The following TFAP4 variants were observed in gnomAD, a reference collection of about 807,000 sequenced individuals.
The protein encoded by TFAP4 is activating enhancer-binding protein 4.
Under a neutral mutation model 40.4 loss-of-function variants are expected in TFAP4, and 7 were observed. The observed-to-expected ratio is 0.17, with a 90% CI of 0.10 to 0.33. TFAP4 has a LOEUF of 0.33. TFAP4 is among the 10% of genes least tolerant of loss of function. The pLI, the probability that TFAP4 is intolerant of heterozygous loss-of-function variation, is 1.00. For missense variants in TFAP4, 374 were observed against 451.1 expected, an observed-to-expected ratio of 0.83 and a Z score of 1.55; for synonymous variants, 218 against 181.4, an observed-to-expected ratio of 1.20 and a Z score of -1.62.
chr16:4,271,149 C>G (rs1203830352), intron 1 of TFAP4, among the ~76,000 whole-genome samples: 1 of 152,240 alleles, frequency 6.6e-6, no homozygotes, highest in Non-Finnish European at 1.5e-5. Flanking sequence ...TCAACTGGCC[C>G]AAGTCTAGGT....
In TFAP4 at chr16:4,258,071, T is replaced by A. The variant is rs1485122173; in HGVS notation, c.1001A>T (p.Asp334Val). The stretch of plus-strand genomic sequence containing the variant: ...GGGGGGTAGTCAGGGAAGCTCCCCG[T>A]CCCCCGACGGCTCCTCCCGGCTCTG... ...MDQSREEPSG[D>V]GELP Residue 334 changes from aspartate (D) to valine (V), a missense_variant, in exon 7 of 7, where the codon GAC becomes GTC. Coordinates refer to ENST00000204517, the MANE Select transcript of TFAP4 (RefSeq NM_003223.3). 1 of 1,612,016 alleles carries A rather than the reference T, an allele frequency of 6.2e-7. No homozygotes were observed. The highest frequency in any genetic ancestry group is 8.5e-7 in the Non-Finnish European group (1 of 1,179,670).
chr16:4,260,346 T>G, intron 5 of TFAP4, 101 bp from the exon 6 acceptor site: 1 of 1,504,564 alleles, frequency 6.6e-7, no homozygotes, highest in Non-Finnish European at 8.8e-7. Flanking sequence ...CTCTGCCCCT[T>G]TATATTAAGA....
At position 4,261,939 on chromosome 16, in the gene TFAP4, C is replaced by A. The variant is rs1195018321; in HGVS notation, c.365G>T (p.Gly122Val). The A allele has an allele frequency of 3.1e-6, 5 of 1,606,854 alleles. No individual in the cohort carries two copies. Among genetic ancestry groups the A allele is most frequent in the Non-Finnish European group, 2.5e-6 (3 of 1,177,364 alleles). The change falls in exon 4 of 7, where the codon GGC (glycine) becomes GTC (valine). Residue 122 changes from glycine (G) to valine (V), a missense_variant. This residue lies in a region of TFAP4 where 51 missense variants were observed against 91.1 expected (regional missense o/e 0.56). Coordinates refer to ENST00000204517, the MANE Select transcript of TFAP4 (RefSeq NM_003223.3). ...TGCCCGCCGTCGCTTGGGGGACGAG[C>A]CGCTCAGCTCCTGGGGACCCCAAGG... ...QLKRFIQELS[G>V]SSPKRRRAED... is the part of the protein sequence containing the mutation.
chr16:4,272,051 G>C (rs1416812331), intron 1 of TFAP4, among the ~76,000 whole-genome samples: 3 of 150,488 alleles, frequency 2.0e-5, no homozygotes, highest in Admixed American at 2.0e-4. Flanking sequence ...CCCGGGCCGC[G>C]GCGCCCCTAC....
chr16:4,263,105 G>C (rs754862499), intron 1 of TFAP4: 34 of 230,926 alleles, frequency 1.5e-4, no homozygotes, highest in Non-Finnish European at 2.5e-4. Context: ...CCAGGAGTTG[G>C]AGGCTGCAGT....
At chr16:4,259,382 A>C (rs949435371) in intron 6 of TFAP4, among the ~76,000 whole-genome samples, 2 of 152,018 alleles carry the variant, frequency 1.3e-5, no homozygotes, top group Non-Finnish European at 2.9e-5. Flanking sequence ...TGATCCACCC[A>C]CTTTGGCCTC....
chr16:4,265,022 A>G (rs560767698), intron 1 of TFAP4: 49 of 152,230 alleles, frequency 3.2e-4, no homozygotes, highest in African/African-American at 1.1e-3. Flanking sequence ...CACCAAGTCC[A>G]GCCTTGGGCC....
Position 4,261,803 on chromosome 16 carries a change from C to G in TFAP4, c.501G>C (p.Ser167=), listed in dbSNP as rs772047423. 13 of 1,610,310 alleles carry G rather than the reference C, an allele frequency of 8.1e-6. No individual in the cohort carries two copies. In the Admixed American group the frequency reaches 2.0e-4, roughly 25 times the overall value. ...CCTGCTCCTCCAGCATCATGCGCAC[C>G]GAGCGCTCCTTGTCCAGCTGCTGCC... ...ELRQQLDKER[S]VRMMLEEQVR... The change falls in exon 4 of 7, where the codon TCG becomes TCC. Residue 167 remains serine (S), a synonymous_variant. Transcript: ENST00000204517.
chr16:4,260,696 AGGGCG>A (rs2052940246), intron 4 of TFAP4, 101 bp from the exon 5 acceptor site: 1 of 1,378,652 alleles, frequency 7.3e-7, no homozygotes, highest in Non-Finnish European at 9.5e-7. Context: ...ACCCTAGCAC[AGGGCG>A]GGCCCCTCTC....
chr16:4,258,454 C>A (rs981431651), intron 6 of TFAP4: 1 of 540,122 alleles, frequency 1.9e-6, no homozygotes, highest in Non-Finnish European at 3.3e-6. Flanking sequence ...CGCTATATCA[C>A]CCAGGCTAGA....
Position 4,272,780 on chromosome 16 carries a change from T to C in TFAP4, c.-34A>G. On this transcript the variant is annotated 5_prime_UTR_variant, in exon 1 of 7. Transcript: ENST00000204517. ...GCCCCCCTCCTCTGCACGAGCCAGG[T>C]CCCGCGATCAGCCGGAGAATGCAAG... 1.3e-6 allele frequency: 2 copies of C among 1,599,396 alleles called. No homozygotes were observed. Among genetic ancestry groups the C allele is most frequent in the Non-Finnish European group, 8.6e-7 (1 of 1,168,294 alleles).
chr16:4,261,536 G>C (rs1172496281), intron 4 of TFAP4, among the ~76,000 whole-genome samples: 1 of 151,322 alleles, frequency 6.6e-6, no homozygotes, highest in Non-Finnish European at 1.5e-5. Flanking sequence ...TGATCCACCC[G>C]CCTCGGCCTC....
chr16:4,269,700 C>T (rs2053026198), intron 1 of TFAP4, among the ~76,000 whole-genome samples: 1 of 151,436 alleles, frequency 6.6e-6, no homozygotes, highest in South Asian at 2.1e-4. Flanking sequence ...GTCCCAGTTA[C>T]TTAGGAGGCT....
chr16:4,270,219 C>T (rs1408353234), intron 1 of TFAP4, among the ~76,000 whole-genome samples: 1 of 152,164 alleles, frequency 6.6e-6, no homozygotes, highest in Non-Finnish European at 1.5e-5. Flanking sequence ...CTACCAGGCA[C>T]TTGCCATACC....
chr16:4,263,136 C>CACT (rs1188667437), intron 1 of TFAP4: 1 of 186,386 alleles, frequency 5.4e-6, no homozygotes, highest in African/African-American at 2.4e-5. Flanking sequence ...CACGCCACTG[C>CACT]ACTTCAGTCT....
intron 1 of TFAP4, 188 bp from the exon 2 acceptor site, chr16:4,262,889 C>G: frequency 1.6e-6 from 1 of 632,444 alleles, no homozygotes; most frequent in Non-Finnish European, 2.7e-6. Context: ...TAAGATAGTC[C>G]GCTCAGAACC....
At chr16:4,269,714 G>A (rs925014574) in intron 1 of TFAP4, among the ~76,000 whole-genome samples, 6 of 151,626 alleles carry the variant, frequency 4.0e-5, no homozygotes, top group Non-Finnish European at 8.8e-5. Flanking sequence ...GGAGGCTGAG[G>A]CAGGAAAATT....
chr16:4,258,386 G>T, intron 6 of TFAP4, 137 bp from the exon 7 acceptor site: 1 of 760,472 alleles, frequency 1.3e-6, no homozygotes. Context: ...AGCAGGGGAG[G>T]CCCGCTAGAG....
intron 4 of TFAP4, 114 bp from the exon 5 acceptor site, chr16:4,260,709 C>G: frequency 8.1e-7 from 1 of 1,241,960 alleles, no homozygotes; most frequent in Non-Finnish European, 1.1e-6. Context: ...GCGGGCCCCT[C>G]TCAACAGAGG....
Sources: gnomAD v4.1 joint callset for allele counts (sites outside exome capture counted in the v4.1 genomes callset) on GRCh38, gnomAD v4.1.1 for gene constraint, gnomAD v4.1.1 regional missense constraint, MANE v1.5 for transcripts, NCBI Gene and HGNC (gene_info 2026-07-23, HGNC 2026-07-21) for gene names.